The following PTPRD variants were observed in gnomAD, a reference collection of about 807,000 sequenced individuals.
PTPRD encodes the protein protein tyrosine phosphatase receptor type D.
Under a neutral mutation model 214.5 loss-of-function variants are expected in PTPRD, and 34 were observed. That is an observed-to-expected ratio of 0.16 (90% CI 0.12 to 0.21). The LOEUF (loss-of-function observed/expected upper bound fraction) is 0.21, where lower values mean the gene tolerates loss of function less well. Among genes scored for constraint, PTPRD ranks in the 10% least tolerant of loss-of-function variants. The pLI is 1.00. For synonymous variants in PTPRD, 1,128 were observed against 845.7 expected (o/e 1.33, Z -5.79); for missense variants, 2,545 against 2,398.7 (o/e 1.06, Z -1.27).
intron 12 of PTPRD, among the ~76,000 whole-genome samples, chr9:8,682,841 C>A (rs1218186495): frequency 1.3e-5 from 2 of 152,130 alleles, no homozygotes; most frequent in East Asian, 3.8e-4. Context: ...TAATGTAGGC[C>A]TATCATAGGT....
At chr9:8,621,963 T>C (rs1167527466) in intron 14 of PTPRD, among the ~76,000 whole-genome samples, 1 of 151,944 alleles carries the variant, frequency 6.6e-6, no homozygotes, top group African/African-American at 2.4e-5. Flanking sequence ...TACCATCTTC[T>C]AATAAATAAA....
intron 27 of PTPRD, among the ~76,000 whole-genome samples, chr9:8,492,369 G>C (rs139320253): frequency 6.6e-6 from 1 of 152,036 alleles, no homozygotes; most frequent in Non-Finnish European, 1.5e-5. Flanking sequence ...TTTGAGTCTC[G>C]ACTTAAATAA....
chr9:10,316,562 G>T lies in PTPRD; in HGVS notation c.-545+24401C>A, dbSNP rs527458912. 1.5e-4 allele frequency among the ~76,000 whole-genome samples: 23 copies of T among 151,988 alleles called. No homozygotes were observed. The East Asian group carries it at 4.5e-3, about 30-fold the overall frequency. ...ATATTTGCATTTTTGAATTGTGAATGATTTCATTTGGTCTTTTTCCAGAAA... is the reference window on the plus strand; with the variant it reads ...ATATTTGCATTTTTGAATTGTGAATTATTTCATTTGGTCTTTTTCCAGAAA... On this transcript the variant is annotated intron_variant, in intron 3 of 45. Coordinates refer to ENST00000381196, the MANE Select transcript of PTPRD (RefSeq NM_002839.4).
chr9:9,665,118 T>C (rs1450884601), intron 7 of PTPRD, among the ~76,000 whole-genome samples: 1 of 151,618 alleles, frequency 6.6e-6, no homozygotes, highest in Non-Finnish European at 1.5e-5. Flanking sequence ...TATGTGTGTA[T>C]GTGGGGAGAG....
chr9:9,594,552 TG>T (rs1392703050), intron 7 of PTPRD, among the ~76,000 whole-genome samples: 2 of 152,118 alleles, frequency 1.3e-5, no homozygotes, highest in Non-Finnish European at 2.9e-5. Flanking sequence ...TTTATGTTTT[TG>T]TTTGCTTTGT....
intron 2 of PTPRD, among the ~76,000 whole-genome samples, chr9:10,418,710 T>C (rs1177166776): frequency 6.6e-6 from 1 of 151,572 alleles, no homozygotes; most frequent in Admixed American, 6.6e-5. Context: ...TGTCACATAA[T>C]AGGTACTCAT....
intron 12 of PTPRD, among the ~76,000 whole-genome samples, chr9:8,686,285 T>C (rs1009897533): frequency 3.3e-5 from 5 of 152,202 alleles, no homozygotes; most frequent in Non-Finnish European, 7.3e-5. Flanking sequence ...AGTATAAAGT[T>C]ATGCAGGGGA....
intron 43 of PTPRD, 110 bp from the exon 44 acceptor site, chr9:8,331,846 A>G (rs752444237): frequency 2.3e-5 from 30 of 1,305,816 alleles, no homozygotes; most frequent in Admixed American, 5.8e-5. Context: ...CAAAAAGGGT[A>G]GAAAAAGTTA....
At chr9:8,726,985 G>A (rs1450086956) in intron 12 of PTPRD, among the ~76,000 whole-genome samples, 1 of 150,638 alleles carries the variant, frequency 6.6e-6, no homozygotes, top group Non-Finnish European at 1.5e-5. Flanking sequence ...AAAAAGAAAG[G>A]GAAAAGAAAA....
chr9:8,854,745 C>T (rs1173247987), intron 11 of PTPRD, among the ~76,000 whole-genome samples: 1 of 152,148 alleles, frequency 6.6e-6, no homozygotes. Flanking sequence ...ATTTTCTTTC[C>T]ATACAAACTT....
intron 3 of PTPRD, among the ~76,000 whole-genome samples, chr9:10,269,041 T>C (rs1280738673): frequency 1.3e-5 from 2 of 152,116 alleles, no homozygotes; most frequent in Admixed American, 1.3e-4. Flanking sequence ...ACAAAATCTC[T>C]AGCTGAGAAC....
intron 11 of PTPRD, among the ~76,000 whole-genome samples, chr9:8,782,853 C>G (rs1017734110): frequency 6.6e-6 from 1 of 152,054 alleles, no homozygotes; most frequent in Non-Finnish European, 1.5e-5. Flanking sequence ...CTTGGCCCCC[C>G]GCAAAGGGCT....
intron 10 of PTPRD, among the ~76,000 whole-genome samples, chr9:9,127,972 C>G (rs1290074096): frequency 6.6e-6 from 1 of 152,178 alleles, no homozygotes; most frequent in African/African-American, 2.4e-5. Flanking sequence ...TCTTTTGCCT[C>G]TATTAACCTT....
At chr9:10,009,182 G>C (rs10759125) in intron 4 of PTPRD, among the ~76,000 whole-genome samples, 73,394 of 151,800 alleles carry the variant, frequency 0.48, 21,155 homozygotes, top group Middle Eastern at 0.67. Flanking sequence ...GGCACTTGAT[G>C]TATGCTATAC....
intron 11 of PTPRD, among the ~76,000 whole-genome samples, chr9:8,776,287 A>C (rs1599431427): frequency 6.6e-6 from 1 of 152,144 alleles, no homozygotes; most frequent in Non-Finnish European, 1.5e-5. Flanking sequence ...TAAACTAGAC[A>C]CCTCAAAAGT....
At chr9:8,631,337 T>C (rs1267782682) in intron 14 of PTPRD, among the ~76,000 whole-genome samples, 1 of 151,910 alleles carries the variant, frequency 6.6e-6, no homozygotes, top group Non-Finnish European at 1.5e-5. Context: ...AACCCATTCA[T>C]ACAGTTCAGT....
chr9:9,841,270 C>T (rs1328418499), intron 5 of PTPRD, among the ~76,000 whole-genome samples: 4 of 151,988 alleles, frequency 2.6e-5, no homozygotes, highest in Non-Finnish European at 5.9e-5. Context: ...AAGTATAATA[C>T]ACACACAAAA....
At chr9:9,783,810 T>G (rs868745514) in intron 5 of PTPRD, among the ~76,000 whole-genome samples, 1 of 133,404 alleles carries the variant, frequency 7.5e-6, no homozygotes, top group Non-Finnish European at 1.6e-5. Context: ...TGTTTTTCTC[T>G]CCTGCTTCGT....
intron 10 of PTPRD, among the ~76,000 whole-genome samples, chr9:9,109,480 A>C (rs1232587201): frequency 1.3e-5 from 2 of 152,140 alleles, no homozygotes; most frequent in Non-Finnish European, 2.9e-5. Flanking sequence ...CTACCTCAGC[A>C]GTAGTTGTGA....
Sources: allele counts gnomAD v4.1 joint callset (sites outside exome capture counted in the v4.1 genomes callset), GRCh38; gene constraint gnomAD v4.1.1; transcripts MANE v1.5; gene names NCBI Gene and HGNC (gene_info 2026-07-23, HGNC 2026-07-21).